Variants in SAR1B observed in about 807,000 individuals in gnomAD.
SAR1B encodes small COPII coat GTPase SAR1B.
SAR1B carries 23 observed loss-of-function variants against 26.8 expected under a neutral mutation model. That is an observed-to-expected ratio of 0.86 (90% confidence interval 0.62 to 1.22). The LOEUF (loss-of-function observed/expected upper bound fraction) is 1.22. Among genes scored for constraint, SAR1B ranks in the 50% most tolerant of loss-of-function variants. The probability of loss-of-function intolerance (pLI) is 0.00; values close to 1 mark genes in which losing one functional copy is unlikely to be tolerated. For synonymous variants in SAR1B, 65 were observed against 80.8 expected (o/e 0.80, Z 1.05); for missense variants, 196 against 232.8 (o/e 0.84, Z 1.03).
rs1026047463 is a variant in SAR1B, at chr5:134,605,659, C to CAAAAA, written c.*1286_*1290dup. The CAAAAA allele has an allele frequency of 2.9e-5, 1 of 34,998 alleles. No homozygotes were observed. Among genetic ancestry groups the CAAAAA allele is most frequent in the African/African-American group, 1.0e-4 (1 of 9,574 alleles). 2.2% of individuals were successfully genotyped at this position (34,998 alleles called of 1,614,324 possible). A position where few individuals can be genotyped will look rare whatever the true frequency, so the allele number is the denominator to read the frequency against. Reference sequence around the variant, plus strand: ...GTCTCTAAAACAAAATGAAACAGAGCAAAAAAAAAAAAAAAAAAAAAGCCC... The same window carrying CAAAAA: ...GTCTCTAAAACAAAATGAAACAGAGCAAAAAAAAAAAAAAAAAAAAAAAAAAGCCC... On this transcript the variant is annotated 3_prime_UTR_variant, in exon 7 of 7. Transcript: ENST00000402673.
intron 3 of SAR1B, among the ~76,000 whole-genome samples, chr5:134,615,598 G>A (rs940466419): frequency 1.4e-5 from 2 of 143,382 alleles, no homozygotes; most frequent in South Asian, 2.2e-4. Context: ...GGTGGGTCAC[G>A]AGGTCAGGAG....
intron 5 of SAR1B, 64 bp downstream of exon 5, chr5:134,609,507 T>C (rs1432442969): frequency 4.5e-6 from 6 of 1,331,452 alleles, no homozygotes; most frequent in African/African-American, 1.4e-5. Context: ...CCTGTATCTC[T>C]GACCTACTTC....
chr5:134,627,424 G>A (rs115944691), intron 1 of SAR1B, among the ~76,000 whole-genome samples: 2,444 of 151,868 alleles, frequency 0.016, 65 homozygotes, highest in African/African-American at 0.055. Flanking sequence ...CCTCAATCTC[G>A]GGGACTCAAG....
chr5:134,611,726 A>G (rs1041713049), intron 4 of SAR1B, among the ~76,000 whole-genome samples: 8 of 152,162 alleles, frequency 5.3e-5, no homozygotes, highest in African/African-American at 1.7e-4. Flanking sequence ...TGGCTTCCCA[A>G]GGGAGGTAGC....
intron 1 of SAR1B, among the ~76,000 whole-genome samples, chr5:134,630,103 A>G (rs1278986000): frequency 6.6e-6 from 1 of 151,858 alleles, no homozygotes; most frequent in Non-Finnish European, 1.5e-5. Context: ...AGTTGGGATG[A>G]GTATTTAAAG....
Position 134,612,771 on chromosome 5 carries a change from A to G in SAR1B, c.179-15T>C. 1 of 1,589,046 alleles carries G rather than the reference A, an allele frequency of 6.3e-7. No individual in the cohort carries two copies. The highest frequency in any genetic ancestry group is 8.6e-7 in the Non-Finnish European group (1 of 1,166,694). ...TTCTTCGGAAGCTAAATAAGATTTT[A>G]AAATATTTTTACATGAAAATTAGAA... On this transcript the variant is annotated splice_polypyrimidine_tract_variant and intron_variant, in intron 3 of 6. Transcript: ENST00000402673.
chr5:134,610,243 G>C (rs1171970434), intron 4 of SAR1B, among the ~76,000 whole-genome samples: 1 of 152,026 alleles, frequency 6.6e-6, no homozygotes, highest in African/African-American at 2.4e-5. Context: ...AAGGCAGGTG[G>C]ATTGCTTGAG....
intron 3 of SAR1B, among the ~76,000 whole-genome samples, chr5:134,617,694 T>C (rs1263919547): frequency 6.6e-6 from 1 of 152,168 alleles, no homozygotes; most frequent in Non-Finnish European, 1.5e-5. Flanking sequence ...GTTTTTTGTT[T>C]TTTTCGAGAC....
chr5:134,620,497 C>A (rs1443610602), intron 3 of SAR1B, among the ~76,000 whole-genome samples: 1 of 152,038 alleles, frequency 6.6e-6, no homozygotes, highest in Non-Finnish European at 1.5e-5. Context: ...GCGAGGTCAC[C>A]TATAATTTAT....
chr5:134,609,470 A>G (rs919920308), intron 5 of SAR1B, 101 bp downstream of exon 5: 21 of 907,776 alleles, frequency 2.3e-5, no homozygotes, highest in Admixed American at 9.7e-5. Context: ...GTTTCATCAG[A>G]GACTGCAGAA....
chr5:134,626,669 C>T (rs1442452909), intron 1 of SAR1B, among the ~76,000 whole-genome samples: 2 of 152,190 alleles, frequency 1.3e-5, no homozygotes, highest in Non-Finnish European at 2.9e-5. Context: ...AACAGAATCT[C>T]AGATTACAAG....
chr5:134,615,871 T>G (rs1297623063), intron 3 of SAR1B, among the ~76,000 whole-genome samples: 1 of 151,654 alleles, frequency 6.6e-6, no homozygotes, highest in African/African-American at 2.4e-5. Context: ...GTGCAGTGGC[T>G]CATGCCTCTA....
rs748477544 is a variant in SAR1B, at chr5:134,620,954, G to T, written c.157C>A (p.His53Asn). 6.2e-7 allele frequency: 1 copy of T among 1,613,676 alleles called. No individual in the cohort carries two copies. The highest frequency in any genetic ancestry group is 1.1e-5 in the South Asian group (1 of 91,072). Reference protein sequence around the residue: ...HMLKDDRLGQHVPTLHPTSEE... With the variant: ...HMLKDDRLGQNVPTLHPTSEE... Reference sequence around the variant, plus strand: ...TTACTGGGATGTAATGTTGGGACATGTTGTCCAAGTCTGTCATCTTTTAGC... The same window carrying T: ...TTACTGGGATGTAATGTTGGGACATTTTGTCCAAGTCTGTCATCTTTTAGC... The change falls in exon 3 of 7, where the codon CAT (histidine) becomes AAT (asparagine). Residue 53 changes from histidine to asparagine, a missense_variant. Coordinates refer to ENST00000402673, the MANE Select transcript of SAR1B (RefSeq NM_016103.4).
intron 1 of SAR1B, among the ~76,000 whole-genome samples, chr5:134,625,177 A>G (rs1220471421): frequency 6.6e-6 from 1 of 152,196 alleles, no homozygotes; most frequent in Non-Finnish European, 1.5e-5. Context: ...TTTGAGGAGC[A>G]GAGCAAGCAT....
At chr5:134,612,330 C>G (rs1468279784) in intron 4 of SAR1B, among the ~76,000 whole-genome samples, 1 of 151,698 alleles carries the variant, frequency 6.6e-6, no homozygotes, top group Non-Finnish European at 1.5e-5. Flanking sequence ...AGTAATAATC[C>G]CTAAATTTTA....
chr5:134,622,118 A>G lies in SAR1B; in HGVS notation c.59-1066T>C, dbSNP rs1390703429. On this transcript the variant is annotated intron_variant, in intron 2 of 6. Coordinates refer to ENST00000402673, the MANE Select transcript of SAR1B (RefSeq NM_016103.4). ...AAATAAACAAACTTTTAAAGACATT[A>G]GGCAATTATAGTTTCAGGCCATCCG... Among the ~76,000 whole-genome samples the G allele has an allele frequency of 2.6e-5, 4 of 152,236 alleles. No homozygotes were observed. The East Asian group carries it at 7.7e-4, about 29-fold the overall frequency.
chr5:134,615,867 T>TAGTAGA (rs1478491624), intron 3 of SAR1B, among the ~76,000 whole-genome samples: 1 of 151,692 alleles, frequency 6.6e-6, no homozygotes, highest in African/African-American at 2.4e-5. Context: ...CCAGGTGCAG[T>TAGTAGA]GGCTCATGCC....
At chr5:134,613,384 A>G (rs1253506618) in intron 3 of SAR1B, 1 of 152,290 alleles carries the variant, frequency 6.6e-6, no homozygotes, top group African/African-American at 2.4e-5. Flanking sequence ...CCAGGGAACA[A>G]GCATTTCTAA....
At position 134,609,654 on chromosome 5, in the gene SAR1B, A is replaced by G. The variant is rs369713749; in HGVS notation, c.265T>C (p.Tyr89His). 3 of 1,614,028 alleles carry G rather than the reference A, an allele frequency of 1.9e-6. No individual in the cohort carries two copies. The highest frequency in any genetic ancestry group is 2.5e-6 in the Non-Finnish European group (3 of 1,179,998). Residue 89 changes from tyrosine to histidine, a missense_variant, in exon 5 of 7, where the codon TAC (tyrosine) becomes CAC (histidine). By Grantham distance (83) the Tyr-to-His change is moderately conservative. Coordinates refer to ENST00000402673, the MANE Select transcript of SAR1B (RefSeq NM_016103.4). ...ACAATGCCATTGATAGCAGGAAGGT[A>G]GTTTTTCCACACTCTTCGAGCTAAC... The part of the protein sequence containing the change: ...HVQARRVWKN[Y>H]LPAINGIVFL...
Sources: gnomAD v4.1 joint callset for allele counts (sites outside exome capture counted in the v4.1 genomes callset) on GRCh38, gnomAD v4.1.1 for gene constraint, MANE v1.5 for transcripts, NCBI Gene and HGNC (gene_info 2026-07-23, HGNC 2026-07-21) for gene names.